Variants in CEP170B observed in about 807,000 individuals in gnomAD.
CEP170B encodes centrosomal protein of 170 kDa protein B.
A neutral mutation model predicts 120.6 loss-of-function variants in CEP170B; 55 were observed. That is an observed-to-expected ratio of 0.46 (90% CI 0.37 to 0.57). The LOEUF is 0.57. Ranked by LOEUF, CEP170B falls within the 20% of genes least tolerant of loss-of-function variation. The pLI, the probability that CEP170B is intolerant of heterozygous loss-of-function variation, is 0.00. For missense variants in CEP170B, 2,212 were observed against 2,253.3 expected (o/e 0.98, Z 0.37); for synonymous variants, 1,033 against 954.5 (o/e 1.08, Z -1.52).
chr14:104,876,115 G>T, intron 2 of CEP170B, 141 bp from the exon 3 acceptor site: 1 of 743,966 alleles, frequency 1.3e-6, no homozygotes, highest in Non-Finnish European at 2.3e-6. Context: ...TGGAGACAGG[G>T]TGGGCACAGC....
intron 16 of CEP170B, 179 bp from the exon 17 acceptor site, chr14:104,894,106 G>C (rs937506982): frequency 3.0e-5 from 20 of 657,062 alleles, no homozygotes; most frequent in Admixed American, 7.6e-5. Flanking sequence ...CCCCACCGCC[G>C]AGTGTCAGGC....
Position 104,893,068 on chromosome 14 carries a change from C to G in CEP170B, c.3971C>G (p.Pro1324Arg). The change falls in exon 14 of 19, where the codon CCT (proline) becomes CGT (arginine). Residue 1324 changes from proline (P) to arginine (R), a missense_variant. Pro to Arg is a moderately radical substitution (Grantham distance 103). Transcript: ENST00000414716. ...GDGDTLGSSE[P>R]AHSASLSNMP... The stretch of plus-strand genomic sequence containing the variant: ...GGTGACACACTGGGCTCCTCGGAGC[C>G]TGCCCACAGCGCCTCCCTCAGCAAC... The G allele has an allele frequency of 6.2e-7, 1 of 1,604,172 alleles. No individual in the cohort carries two copies. The highest frequency in any genetic ancestry group is 8.5e-7 in the Non-Finnish European group (1 of 1,176,902).
intron 3 of CEP170B, among the ~76,000 whole-genome samples, chr14:104,876,995 G>A (rs1895887219): frequency 6.6e-6 from 1 of 152,184 alleles, no homozygotes; most frequent in Non-Finnish European, 1.5e-5. Context: ...CTGTCCCTGA[G>A]GTCCCTGTCT....
chr14:104,876,003 G>A (rs1215000555), intron 2 of CEP170B, among the ~76,000 whole-genome samples: 2 of 152,156 alleles, frequency 1.3e-5, no homozygotes, highest in Non-Finnish European at 2.9e-5. Context: ...CACTCCCACG[G>A]CCCAGCGGGG....
Position 104,883,483 on chromosome 14 carries a change from G to T in CEP170B, c.1026G>T (p.Leu342=), listed in dbSNP as rs1896272913. Residue 342 remains leucine (L), a synonymous_variant, in exon 8 of 19, where the codon CTG becomes CTT. Coordinates refer to ENST00000414716, the MANE Select transcript of CEP170B (RefSeq NM_001112726.3). The stretch of plus-strand genomic sequence containing the variant: ...ACCGCCACAGCACCAAGAGCGACCT[G>T]CCTGTCCACACCCGCACCCTGAAGG... The part of the protein sequence containing the change: ...GDDRHSTKSD[L]PVHTRTLKGH... 6.4e-7 allele frequency: 1 copy of T among 1,553,032 alleles called. No individual in the cohort carries two copies. Among genetic ancestry groups the T allele is most frequent in the Non-Finnish European group, 8.7e-7 (1 of 1,148,730 alleles).
intron 16 of CEP170B, 162 bp from the exon 17 acceptor site, chr14:104,894,123 G>T: frequency 1.5e-6 from 1 of 673,498 alleles, no homozygotes; most frequent in Non-Finnish European, 2.6e-6. Flanking sequence ...AGGCACAGAT[G>T]GGACTTTGGT....
intron 6 of CEP170B, 101 bp downstream of exon 6, chr14:104,880,526 T>C (rs1595333759): frequency 6.8e-7 from 1 of 1,470,640 alleles, no homozygotes; most frequent in East Asian, 2.4e-5. Context: ...TGCATGCATA[T>C]ACCATGTACA....
In CEP170B at chr14:104,877,887, G is replaced by A. The variant is rs115886672; in HGVS notation, c.198G>A (p.Thr66=). Residue 66 remains threonine (T), a splice_region_variant and synonymous_variant, in exon 4 of 19, where the codon ACG becomes ACA. Transcript: ENST00000414716. ...CCCCGCCACCTGTTTTCCTGCAGAC[G>A]TTTGTGAATGACATGCGCATCCCGG... is the stretch of plus-strand genomic sequence containing the variant. The part of the protein sequence containing the change: ...WVKDLGSLNG[T]FVNDMRIPDQ... 3.9e-4 allele frequency: 529 copies of A among 1,348,658 alleles called. No individual in the cohort carries two copies. The African/African-American group carries it at 4.9e-3, about 12-fold the overall frequency. 83.5% of individuals were successfully genotyped at this position (1,348,658 alleles called of 1,614,324 possible). A position where few individuals can be genotyped will look rare whatever the true frequency, so the allele number is the denominator to read the frequency against.
At chr14:104,888,392 G>T (rs960174976) in intron 12 of CEP170B, among the ~76,000 whole-genome samples, 1 of 152,212 alleles carries the variant, frequency 6.6e-6, no homozygotes, top group Admixed American at 6.5e-5. Flanking sequence ...GATCTCTGCC[G>T]CAGTACTGTG....
intron 3 of CEP170B, among the ~76,000 whole-genome samples, chr14:104,876,611 C>T (rs903290173): frequency 1.3e-5 from 2 of 152,142 alleles, no homozygotes; most frequent in Admixed American, 6.5e-5. Flanking sequence ...CAAAATCTGG[C>T]CCCTCTCCCA....
At chr14:104,892,569 C>T (rs1337936192) in intron 13 of CEP170B, among the ~76,000 whole-genome samples, 1 of 152,150 alleles carries the variant, frequency 6.6e-6, no homozygotes, top group Non-Finnish European at 1.5e-5. Flanking sequence ...TCTCTGCCTG[C>T]AGAGCTGGGC....
rs564665954 is a variant in CEP170B at position 104,874,321 on chromosome 14, C to G, written c.106-1935C>G. On this transcript the variant is annotated intron_variant, in intron 2 of 18. Coordinates refer to ENST00000414716, the MANE Select transcript of CEP170B (RefSeq NM_001112726.3). ...CCAGGAGCCACGTAGCTGTGGGTGC[C>G]AGCTTCGGAGAAGGAATTTGAACAG... 5.9e-5 allele frequency among the ~76,000 whole-genome samples: 9 copies of G among 152,332 alleles called. No homozygotes were observed. In the East Asian group the frequency reaches 1.7e-3, roughly 29 times the overall value.
rs1312226539 is a variant in CEP170B at position 104,880,380 on chromosome 14, G to A, written c.427G>A (p.Ala143Thr). Reference sequence around the variant, plus strand: ...GCCGGAACACACACCATACTGCGAGGCCTCGAACCCCAGGCCGGAGAAGGG... The same window carrying A: ...GCCGGAACACACACCATACTGCGAGACCTCGAACCCCAGGCCGGAGAAGGG... ...ALPEHTPYCEASNPRPEKGDR... is the reference protein window; with the variant it reads ...ALPEHTPYCETSNPRPEKGDR... Residue 143 changes from alanine to threonine, a missense_variant, in exon 6 of 19, where the codon GCC (alanine) becomes ACC (threonine). By Grantham distance (58) the Ala-to-Thr change is moderately conservative (BLOSUM62 0). Transcript: ENST00000414716. 2 of 1,612,672 alleles carry A rather than the reference G, an allele frequency of 1.2e-6. No homozygotes were observed. Among genetic ancestry groups the A allele is most frequent in the Non-Finnish European group, 1.7e-6 (2 of 1,179,672 alleles).
At chr14:104,890,931 G>A (rs1456648369) in intron 13 of CEP170B, among the ~76,000 whole-genome samples, 1 of 138,750 alleles carries the variant, frequency 7.2e-6, no homozygotes, top group African/African-American at 2.8e-5. Flanking sequence ...ATGGATGAGT[G>A]GGTGGATGGA....
chr14:104,878,637 T>C, intron 5 of CEP170B, 136 bp downstream of exon 5: 1 of 880,626 alleles, frequency 1.1e-6, no homozygotes, highest in Non-Finnish European at 1.8e-6. Context: ...GCGGGTGCCA[T>C]GAGTCAGGCC....
chr14:104,881,429 T>C (rs1308954783), intron 6 of CEP170B, among the ~76,000 whole-genome samples: 1 of 152,180 alleles, frequency 6.6e-6, no homozygotes, highest in Non-Finnish European at 1.5e-5. Flanking sequence ...ATGTCTGCTG[T>C]GTTCTGCTGT....
intron 12 of CEP170B, among the ~76,000 whole-genome samples, chr14:104,888,642 C>T (rs779642229): frequency 2.6e-5 from 4 of 152,370 alleles, no homozygotes; most frequent in South Asian, 2.1e-4. Context: ...CCCCGCCCGC[C>T]GAGGCAGCTG....
rs1013764882 is a variant in CEP170B, at chr14:104,876,282, C to T, written c.132C>T (p.Ala44=). The change falls in exon 3 of 19, where the codon GCC becomes GCT. Residue 44 remains alanine, a synonymous_variant. Coordinates refer to ENST00000414716, the MANE Select transcript of CEP170B (RefSeq NM_001112726.3). ...LQSRSVDKQH[A]VINYDQDRDE... The stretch of plus-strand genomic sequence containing the variant: ...CCCGCAGCGTGGACAAGCAGCATGC[C>T]GTCATCAACTACGACCAGGACAGGG... The T allele has an allele frequency of 1.5e-5, 23 of 1,550,734 alleles. No homozygotes were observed. Among genetic ancestry groups the T allele is most frequent in the African/African-American group, 1.4e-4 (10 of 72,992 alleles).
Position 104,867,175 on chromosome 14 carries a change from A to G in CEP170B, c.-27-1249A>G, listed in dbSNP as rs1159610329. Among the ~76,000 whole-genome samples, 1 of 152,094 alleles carries G rather than the reference A, an allele frequency of 6.6e-6. No homozygotes were observed. The highest frequency in any genetic ancestry group is 1.5e-5 in the Non-Finnish European group (1 of 68,008). ...CCCTTTAGGGACTTCATCCCCTTCC[A>G]GGACTAGCCACAGGACTCCCAGGGG... On this transcript the variant is annotated intron_variant, in intron 1 of 18. Coordinates refer to ENST00000414716, the MANE Select transcript of CEP170B (RefSeq NM_001112726.3). The surrounding 1 kb of genome is among the most constrained non-coding windows in gnomAD (Gnocchi z 5.4).
Sources: gnomAD v4.1 joint callset for allele counts (sites outside exome capture counted in the v4.1 genomes callset) on GRCh38, gnomAD v4.1.1 for gene constraint, Gnocchi (gnomAD v3.1) non-coding constraint, MANE v1.5 for transcripts, NCBI Gene and HGNC (gene_info 2026-07-23, HGNC 2026-07-21) for gene names.